NUMB: variants seen among roughly 807,000 people sequenced by gnomAD.
NUMB encodes the protein protein numb homolog.
In NUMB, 29 loss-of-function variants were observed where a neutral mutation model predicts 59.7. The ratio of observed to expected loss-of-function variants is 0.49; its 90% CI spans 0.36 to 0.66. The LOEUF is 0.66. Among genes scored for constraint, NUMB ranks in the 30% least tolerant of loss-of-function variants. The probability of loss-of-function intolerance (pLI) is 0.00; values close to 1 mark genes in which losing one functional copy is unlikely to be tolerated. For missense variants in NUMB, 723 were observed against 822.0 expected, an observed-to-expected ratio of 0.88 and a Z score of 1.47; for synonymous variants, 288 against 288.2, an observed-to-expected ratio of 1.00 and a Z score of 0.01.
intron 2 of NUMB, chr14:73,409,034 C>T (rs1566784561): frequency 1.3e-5 from 2 of 152,030 alleles, no homozygotes; most frequent in Non-Finnish European, 2.9e-5. Flanking sequence ...GTAAATATTC[C>T]TCTTTTTCAT....
intron 1 of NUMB, among the ~76,000 whole-genome samples, chr14:73,420,349 T>G (rs1897303970): frequency 6.6e-6 from 1 of 152,100 alleles, no homozygotes; most frequent in Non-Finnish European, 1.5e-5. Context: ...GAAAATGAAC[T>G]GGGAAATCAT....
chr14:73,429,803 T>A (rs1460786971), intron 1 of NUMB, among the ~76,000 whole-genome samples: 1 of 151,904 alleles, frequency 6.6e-6, no homozygotes, highest in African/African-American at 2.4e-5. Flanking sequence ...ATTAGCTGGA[T>A]GTGGTGGCAC....
chr14:73,288,585 C>T (rs1013301294), intron 8 of NUMB, among the ~76,000 whole-genome samples: 3 of 140,680 alleles, frequency 2.1e-5, no homozygotes, highest in African/African-American at 8.0e-5. Flanking sequence ...AAAGGCCGGG[C>T]ACAGTGGCTC....
intron 6 of NUMB, among the ~76,000 whole-genome samples, chr14:73,306,636 G>T (rs771019387): frequency 6.6e-6 from 1 of 152,176 alleles, no homozygotes; most frequent in Non-Finnish European, 1.5e-5. Flanking sequence ...AGTTTAACTG[G>T]AATTCATAGT....
intron 1 of NUMB, among the ~76,000 whole-genome samples, chr14:73,455,860 T>G (rs1884331849): frequency 6.6e-6 from 1 of 152,198 alleles, no homozygotes; most frequent in African/African-American, 2.4e-5. Context: ...TTACAAACAA[T>G]GCTTTACGGT....
At chr14:73,308,456 C>A (rs898227374) in intron 6 of NUMB, among the ~76,000 whole-genome samples, 1 of 152,168 alleles carries the variant, frequency 6.6e-6, no homozygotes, top group Non-Finnish European at 1.5e-5. Flanking sequence ...GATATTGACA[C>A]CTATCTACCA....
rs1295287034 is a variant in NUMB at position 73,366,924 on chromosome 14, T to C, written c.-43A>G. 1.3e-5 allele frequency: 2 copies of C among 152,198 alleles called. No individual in the cohort carries two copies. Among genetic ancestry groups the C allele is most frequent in the Non-Finnish European group, 2.9e-5 (2 of 68,032 alleles). The allele number at this position is 152,198 out of a possible 1,614,324, so 9.4% of individuals were successfully genotyped here. On this transcript the variant is annotated 5_prime_UTR_variant, in exon 3 of 13. Coordinates refer to ENST00000555238, the MANE Select transcript of NUMB (RefSeq NM_001005743.2). ...GGCTCTGAATCTTGGCTGTGCCCTT[T>C]ACAAGTTGTGTGATTTTGGACAAGT...
At chr14:73,401,853 G>A (rs1237000670) in intron 2 of NUMB, among the ~76,000 whole-genome samples, 3 of 151,514 alleles carry the variant, frequency 2.0e-5, no homozygotes, top group Admixed American at 6.6e-5. Context: ...ACAGGCGTGA[G>A]CCACCACATC....
At chr14:73,405,404 A>G (rs1482241658) in intron 2 of NUMB, among the ~76,000 whole-genome samples, 1 of 149,818 alleles carries the variant, frequency 6.7e-6, no homozygotes, top group African/African-American at 2.5e-5. Context: ...AGAGAAGATG[A>G]GGGAAATCCT....
intron 1 of NUMB, among the ~76,000 whole-genome samples, chr14:73,433,619 A>G (rs1030829421): frequency 1.3e-5 from 2 of 152,124 alleles, no homozygotes; most frequent in East Asian, 1.9e-4. Context: ...CTAAGACTCA[A>G]TTAAAGTACA....
intron 1 of NUMB, among the ~76,000 whole-genome samples, chr14:73,431,758 AAAG>A (rs1224545502): frequency 2.0e-5 from 3 of 152,048 alleles, no homozygotes; most frequent in Non-Finnish European, 4.4e-5. Context: ...CAAAAAAAGA[AAAG>A]AAAGAAAATT....
At chr14:73,345,087 G>A (rs1273577493) in intron 4 of NUMB, among the ~76,000 whole-genome samples, 1 of 152,134 alleles carries the variant, frequency 6.6e-6, no homozygotes, top group Admixed American at 6.5e-5. Context: ...CAAAGATACG[G>A]AATCAACGTA....
intron 2 of NUMB, among the ~76,000 whole-genome samples, chr14:73,383,424 C>T (rs1440554204): frequency 6.6e-6 from 1 of 152,008 alleles, no homozygotes. Flanking sequence ...CAGAAAATAT[C>T]TAGATGGAGC....
At chr14:73,304,399 C>T (rs1471112054) in intron 6 of NUMB, among the ~76,000 whole-genome samples, 1 of 152,182 alleles carries the variant, frequency 6.6e-6, no homozygotes, top group Non-Finnish European at 1.5e-5. Flanking sequence ...CAGCCTCAAA[C>T]TCCTGGGCTC....
intron 6 of NUMB, among the ~76,000 whole-genome samples, chr14:73,302,575 T>C (rs896922819): frequency 6.6e-6 from 1 of 151,840 alleles, no homozygotes; most frequent in African/African-American, 2.4e-5. Flanking sequence ...CCCAGCTAAT[T>C]TTTTTGTATT....
At chr14:73,291,774 C>G (rs563731469) in intron 8 of NUMB, among the ~76,000 whole-genome samples, 1 of 151,442 alleles carries the variant, frequency 6.6e-6, no homozygotes, top group African/African-American at 2.4e-5. Flanking sequence ...ACCTCTACCT[C>G]CTGGGTTCAA....
chr14:73,450,447 G>C (rs1423357470), intron 1 of NUMB, among the ~76,000 whole-genome samples: 1 of 152,166 alleles, frequency 6.6e-6, no homozygotes, highest in Non-Finnish European at 1.5e-5. Flanking sequence ...GCTATTCTAT[G>C]GTTCTGTGAG....
chr14:73,346,909 C>T (rs534501621), intron 4 of NUMB, among the ~76,000 whole-genome samples: 1 of 152,184 alleles, frequency 6.6e-6, no homozygotes, highest in Non-Finnish European at 1.5e-5. Flanking sequence ...CCGTTCTCTA[C>T]ATGCTTCTTT....
At chr14:73,335,719 C>T (rs1892273210) in intron 4 of NUMB, among the ~76,000 whole-genome samples, 1 of 152,056 alleles carries the variant, frequency 6.6e-6, no homozygotes, top group African/African-American at 2.4e-5. Context: ...GTGATTTATC[C>T]ATCACAAGAA....
Sources: gnomAD v4.1 joint callset for allele counts (sites outside exome capture counted in the v4.1 genomes callset) on GRCh38, gnomAD v4.1.1 for gene constraint, MANE v1.5 for transcripts, NCBI Gene and HGNC (gene_info 2026-07-23, HGNC 2026-07-21) for gene names.